The following CDKAL1 variants were observed in gnomAD, a reference collection of about 807,000 sequenced individuals.
CDKAL1 encodes threonylcarbamoyladenosine tRNA methylthiotransferase.
CDKAL1 carries 32 observed loss-of-function variants against 68.2 expected under a neutral mutation model. The observed-to-expected ratio is 0.47, with a 90% CI of 0.35 to 0.63. The LOEUF (loss-of-function observed/expected upper bound fraction) is 0.63, where lower values mean the gene tolerates loss of function less well. CDKAL1 is among the 30% of genes least tolerant of loss of function. The pLI, the probability that CDKAL1 is intolerant of heterozygous loss-of-function variation, is 0.00. For missense variants in CDKAL1, 606 were observed against 696.7 expected (o/e 0.87, Z 1.47); for synonymous variants, 234 against 244.3 (o/e 0.96, Z 0.39).
intron 9 of CDKAL1, among the ~76,000 whole-genome samples, chr6:20,866,957 A>G (rs1411530019): frequency 2.6e-5 from 4 of 152,202 alleles, no homozygotes; most frequent in African/African-American, 9.7e-5. Flanking sequence ...GCTAAAATTA[A>G]AGCAAGCTGT....
chr6:20,606,278 A>T (rs1376516608), intron 4 of CDKAL1, among the ~76,000 whole-genome samples: 1 of 152,180 alleles, frequency 6.6e-6, no homozygotes, highest in African/African-American at 2.4e-5. Context: ...AGTTAAAAAA[A>T]TTTTTCTGCG....
rs1177453461 is a variant in CDKAL1, at chr6:20,647,000, C to A, written c.287-2293C>A. ...CCTCAGGTGATCCACCCGCCTCGGC[C>A]TCCCAAAGTGCCGGGATTACAGGCG... On this transcript the variant is annotated intron_variant, in intron 4 of 15. Coordinates refer to ENST00000274695, the MANE Select transcript of CDKAL1 (RefSeq NM_017774.3). 2.6e-5 allele frequency among the ~76,000 whole-genome samples: 4 copies of A among 152,200 alleles called. 1 individual carries two copies. The highest frequency in any genetic ancestry group is 2.6e-4 in the Admixed American group (4 of 15,282).
At chr6:20,951,600 C>G (rs1764527612) in intron 9 of CDKAL1, among the ~76,000 whole-genome samples, 1 of 152,164 alleles carries the variant, frequency 6.6e-6, no homozygotes, top group Admixed American at 6.6e-5. Context: ...CATAGCTAAA[C>G]TTAAGGCTTT....
At chr6:20,891,923 AGTT>A in intron 9 of CDKAL1, among the ~76,000 whole-genome samples, 1 of 151,990 alleles carries the variant, frequency 6.6e-6, no homozygotes, top group East Asian at 1.9e-4. Context: ...TTATCTACGG[AGTT>A]GTTTTTTTCT....
intron 13 of CDKAL1, among the ~76,000 whole-genome samples, chr6:21,167,690 C>G (rs979229235): frequency 6.6e-6 from 1 of 152,172 alleles, no homozygotes; most frequent in African/African-American, 2.4e-5. Flanking sequence ...TGACCAAAAT[C>G]TTAACTGTAT....
chr6:20,904,835 A>T (rs1461286431), intron 9 of CDKAL1, among the ~76,000 whole-genome samples: 1 of 152,104 alleles, frequency 6.6e-6, no homozygotes, highest in African/African-American at 2.4e-5. Context: ...GTGGCCAGGA[A>T]GACGCACAGA....
chr6:20,755,593 A>G lies in CDKAL1; in HGVS notation c.469-3002A>G, dbSNP rs1279843241. On this transcript the variant is annotated intron_variant, in intron 6 of 15. Transcript: ENST00000274695. ...TTCCATTTTCTTTCTAGTCCATTCC[A>G]CAAATCTCTTAGTGTTGTTTCATCA... 2.0e-5 allele frequency among the ~76,000 whole-genome samples: 3 copies of G among 152,076 alleles called. No homozygotes were observed. In the East Asian group the frequency reaches 5.8e-4, roughly 29 times the overall value.
intron 9 of CDKAL1, among the ~76,000 whole-genome samples, chr6:20,937,874 T>C (rs12526287): frequency 7.3e-6 from 1 of 137,104 alleles, no homozygotes; most frequent in South Asian, 2.3e-4. Flanking sequence ...TTTTTTTTTT[T>C]CATTTTAATT....
intron 7 of CDKAL1, 97 bp downstream of exon 7, chr6:20,758,740 G>A: frequency 2.3e-6 from 2 of 884,198 alleles, no homozygotes; most frequent in South Asian, 3.6e-5. Context: ...CTTTATAAAA[G>A]TTATTGTTTT....
chr6:21,066,618 CTGTTT>C (rs1316311779), intron 12 of CDKAL1, among the ~76,000 whole-genome samples: 4 of 152,002 alleles, frequency 2.6e-5, no homozygotes, highest in African/African-American at 4.8e-5. Context: ...TTGTTTTGTT[CTGTTT>C]TGTTTTGTTT....
At chr6:21,064,955 TA>T in intron 11 of CDKAL1, 92 bp from the exon 12 acceptor site, 2 of 746,644 alleles carry the variant, frequency 2.7e-6, no homozygotes, top group Non-Finnish European at 4.0e-6. Flanking sequence ...AAATAAATTT[TA>T]ATTACCATAA....
intron 9 of CDKAL1, among the ~76,000 whole-genome samples, chr6:20,952,159 C>T (rs542513030): frequency 2.0e-5 from 3 of 151,680 alleles, no homozygotes; most frequent in Admixed American, 6.6e-5. Context: ...AGGGTTTCAC[C>T]GTGTTAGCCA....
intron 15 of CDKAL1, among the ~76,000 whole-genome samples, chr6:21,207,974 G>A (rs1182624629): frequency 6.6e-6 from 1 of 151,864 alleles, no homozygotes; most frequent in Non-Finnish European, 1.5e-5. Flanking sequence ...TACAGCGTTG[G>A]CCATTCTTAC....
chr6:21,128,343 T>G (rs1775122945), intron 13 of CDKAL1, among the ~76,000 whole-genome samples: 1 of 152,220 alleles, frequency 6.6e-6, no homozygotes, highest in Non-Finnish European at 1.5e-5. Flanking sequence ...AAATGCATTT[T>G]CAACTTAAAA....
In CDKAL1 at chr6:20,907,136, TTC is replaced by T. The variant is rs1485518133; in HGVS notation, c.743-48281_743-48280del. ...GTTGCAATTTGGCAAGATGAAAAAG[TTC>T]TGAAGATTGATGGTTGGTGATGGTT... On this transcript the variant is annotated intron_variant, in intron 9 of 15. Coordinates refer to ENST00000274695, the MANE Select transcript of CDKAL1 (RefSeq NM_017774.3). Among the ~76,000 whole-genome samples, 161 of 152,288 alleles carry T rather than the reference TTC, an allele frequency of 1.1e-3. 1 individual carries two copies. The highest frequency in any genetic ancestry group is 3.7e-3 in the African/African-American group (152 of 41,576).
intron 13 of CDKAL1, among the ~76,000 whole-genome samples, chr6:21,152,523 G>C (rs1776460372): frequency 1.3e-5 from 2 of 152,190 alleles, no homozygotes; most frequent in Admixed American, 6.5e-5. Flanking sequence ...CATTCACTCA[G>C]CGAACATTCG....
intron 5 of CDKAL1, among the ~76,000 whole-genome samples, chr6:20,676,486 T>C (rs1770105673): frequency 6.6e-6 from 1 of 151,856 alleles, no homozygotes; most frequent in Non-Finnish European, 1.5e-5. Context: ...GCTAACATGG[T>C]GAAACCCCAT....
intron 11 of CDKAL1, among the ~76,000 whole-genome samples, chr6:21,055,361 TTTTG>T (rs1770770625): frequency 6.6e-6 from 1 of 152,190 alleles, no homozygotes; most frequent in Non-Finnish European, 1.5e-5. Context: ...AAAAAACTTT[TTTTG>T]TTTGTTTTTT....
chr6:20,792,527 C>G (rs1422922914), intron 8 of CDKAL1, among the ~76,000 whole-genome samples: 1 of 152,124 alleles, frequency 6.6e-6, no homozygotes, highest in Non-Finnish European at 1.5e-5. Context: ...AAAACATAAA[C>G]TTTCTGAAAT....
Sources: gnomAD v4.1 joint callset for allele counts (sites outside exome capture counted in the v4.1 genomes callset) on GRCh38, gnomAD v4.1.1 for gene constraint, MANE v1.5 for transcripts, NCBI Gene and HGNC (gene_info 2026-07-23, HGNC 2026-07-21) for gene names.